TIMELESS: variants seen among roughly 807,000 people sequenced by gnomAD.
TIMELESS encodes the protein protein timeless homolog.
A neutral mutation model predicts 164.3 loss-of-function variants in TIMELESS; 124 were observed. The observed-to-expected ratio is 0.75, with a 90% CI of 0.65 to 0.88. TIMELESS has a LOEUF of 0.88. Among genes scored for constraint, TIMELESS ranks in the 40% least tolerant of loss-of-function variants. The pLI is 0.00. For synonymous variants in TIMELESS, 564 were observed against 563.4 expected, an observed-to-expected ratio of 1.00 and a Z score of -0.02; for missense variants, 1,422 against 1,491.4, an observed-to-expected ratio of 0.95 and a Z score of 0.77.
chr12:56,442,749 A>C (rs1200045130), intron 1 of TIMELESS, among the ~76,000 whole-genome samples: 1 of 152,218 alleles, frequency 6.6e-6, no homozygotes, highest in African/African-American at 2.4e-5. Context: ...GCGGGAAGTC[A>C]GGGACCCCGA....
In TIMELESS at chr12:56,433,025, C is replaced by G; in HGVS notation, c.531+1G>C. 1 of 1,610,428 alleles carries G rather than the reference C, an allele frequency of 6.2e-7. No homozygotes were observed. The highest frequency in any genetic ancestry group is 8.5e-7 in the Non-Finnish European group (1 of 1,177,624). ...GAACACAGAACACCCAAGACCCTCA[C>G]CTTCTCCTGATCAAGGTCAGCTGGG... On this transcript the variant is annotated splice_donor_variant, in intron 6 of 28. Coordinates refer to ENST00000553532, the MANE Select transcript of TIMELESS (RefSeq NM_003920.5). LOFTEE classifies it high-confidence loss of function.
intron 1 of TIMELESS, among the ~76,000 whole-genome samples, chr12:56,440,885 T>C (rs1868265087): frequency 1.3e-5 from 2 of 152,196 alleles, no homozygotes; most frequent in Admixed American, 6.5e-5. Flanking sequence ...TGGCGTGATC[T>C]TGGCTCACTG....
chr12:56,435,358 T>TA (rs71446553), intron 1 of TIMELESS, among the ~76,000 whole-genome samples: 106 of 147,072 alleles, frequency 7.2e-4, no homozygotes, highest in African/African-American at 1.3e-3. Flanking sequence ...CATCTTCTTT[T>TA]AAAAAAAAAA....
Position 56,431,594 on chromosome 12 carries a change from T to C in TIMELESS, c.698A>G (p.Gln233Arg). The stretch of plus-strand genomic sequence containing the variant: ...GCGTCCCTGCCCTACTCCCGCCAGC[T>C]GCTCGGGGTTCTAGATTGGAACAAA... The part of the protein sequence containing the change: ...SLMFRDQNPE[Q>R]LAGVGQGRLA... The change falls in exon 8 of 29, where the codon CAG becomes CGG. Residue 233 changes from glutamine (Q) to arginine (R), a missense_variant. By Grantham distance (43) the Gln-to-Arg change is conservative. Coordinates refer to ENST00000553532, the MANE Select transcript of TIMELESS (RefSeq NM_003920.5). 6.2e-7 allele frequency: 1 copy of C among 1,612,280 alleles called. No homozygotes were observed. Among genetic ancestry groups the C allele is most frequent in the Non-Finnish European group, 8.5e-7 (1 of 1,179,608 alleles).
intron 1 of TIMELESS, among the ~76,000 whole-genome samples, chr12:56,446,568 T>C (rs956766629): frequency 1.3e-5 from 2 of 152,084 alleles, no homozygotes; most frequent in African/African-American, 4.8e-5. Context: ...CAGTGGCTCA[T>C]GCCTGTAATC....
In TIMELESS at chr12:56,417,696, C is replaced by A; in HGVS notation, c.*20G>T. The A allele has an allele frequency of 2.5e-6, 4 of 1,613,828 alleles. No homozygotes were observed. The highest frequency in any genetic ancestry group is 3.4e-6 in the Non-Finnish European group (4 of 1,179,738). On this transcript the variant is annotated 3_prime_UTR_variant, in exon 29 of 29. Coordinates refer to ENST00000553532, the MANE Select transcript of TIMELESS (RefSeq NM_003920.5). ...CCATCTAAAAACGTGTCTATCTCTACCCCTAGGCTTCTTAGCTCTTCAGTC... is the reference window on the plus strand; with the variant it reads ...CCATCTAAAAACGTGTCTATCTCTAACCCTAGGCTTCTTAGCTCTTCAGTC...
At chr12:56,433,357 C>T in intron 5 of TIMELESS, 24 bp downstream of exon 5, 2 of 1,613,646 alleles carry the variant, frequency 1.2e-6, no homozygotes, top group South Asian at 1.1e-5. Flanking sequence ...CCCATGGTAT[C>T]CTGTAAGGTG....
At chr12:56,424,658 G>T in intron 15 of TIMELESS, 104 bp downstream of exon 15, 1 of 1,437,470 alleles carries the variant, frequency 7.0e-7, no homozygotes. Context: ...CAGTCCCAGA[G>T]CCTTGATGAG....
At chr12:56,441,676 T>C (rs811327) in intron 1 of TIMELESS, among the ~76,000 whole-genome samples, 2,232 of 150,024 alleles carry the variant, frequency 0.015, 30 homozygotes, top group Admixed American at 0.026. Flanking sequence ...CCCCAAATAT[T>C]AATTTCCTCT....
rs1881271024 is a variant in TIMELESS at position 56,416,707 on chromosome 12, G to A, written c.*1009C>T. 6.6e-6 allele frequency: 1 copy of A among 151,968 alleles called. No individual in the cohort carries two copies. The highest frequency in any genetic ancestry group is 2.1e-4 in the South Asian group (1 of 4,792). The allele number at this position is 151,968 out of a possible 1,614,324, so 9.4% of individuals were successfully genotyped here. A position where few individuals can be genotyped will look rare whatever the true frequency, so the allele number is the denominator to read the frequency against. The stretch of plus-strand genomic sequence containing the variant: ...TTCTGTAGGGAAAGCGGAAGAAAAG[G>A]GAAGGTTGTTGGTCTTTTTTTTTTT... On this transcript the variant is annotated 3_prime_UTR_variant, in exon 29 of 29. Transcript: ENST00000553532.
chr12:56,421,454 CG>C lies in TIMELESS; in HGVS notation c.2764del (p.Arg922AlafsTer6), dbSNP rs1565679472. 6.2e-7 allele frequency: 1 copy of C among 1,613,984 alleles called. No homozygotes were observed. Among genetic ancestry groups the C allele is most frequent in the Non-Finnish European group, 8.5e-7 (1 of 1,179,970 alleles). ...GHIMKNITAK[R>X]SRARIVDKLL... Reference sequence around the variant, plus strand: ...TTTATCCACTATTCGGGCCCGTGAGCGTTTGGCTGTGATATTCTTCATGATA... The same window carrying C: ...TTTATCCACTATTCGGGCCCGTGAGCTTTGGCTGTGATATTCTTCATGATA... On this transcript the variant is annotated frameshift_variant, in exon 23 of 29. Coordinates refer to ENST00000553532, the MANE Select transcript of TIMELESS (RefSeq NM_003920.5). LOFTEE classifies it high-confidence loss of function.
chr12:56,434,393 A>C (rs542636018), intron 1 of TIMELESS, among the ~76,000 whole-genome samples, 162 bp from the exon 2 acceptor site: 161 of 152,326 alleles, frequency 1.1e-3, no homozygotes, highest in African/African-American at 3.6e-3. Flanking sequence ...GAAAGTTTTA[A>C]ATAATGGCTT....
Position 56,421,991 on chromosome 12 carries a change from C to T in TIMELESS, c.2550G>A (p.Leu850=). Reference sequence around the variant, plus strand: ...TTCGAGGAACAGTATTCAGGTGGGCCAAGATGGCTTCCACCACATCCTGCC... The same window carrying T: ...TTCGAGGAACAGTATTCAGGTGGGCTAAGATGGCTTCCACCACATCCTGCC... ...VEGQDVVEAI[L]AHLNTVPRTR... is the part of the protein sequence containing the mutation. The change falls in exon 21 of 29, where the codon TTG becomes TTA. Residue 850 remains leucine (L), a synonymous_variant. Coordinates refer to ENST00000553532, the MANE Select transcript of TIMELESS (RefSeq NM_003920.5). 1.9e-6 allele frequency: 3 copies of T among 1,614,156 alleles called. No individual in the cohort carries two copies. In the East Asian group the frequency reaches 6.7e-5, roughly 36 times the overall value.
chr12:56,448,970 TC>T (rs1274158561), intron 1 of TIMELESS, among the ~76,000 whole-genome samples: 1 of 152,048 alleles, frequency 6.6e-6, no homozygotes, highest in African/African-American at 2.4e-5. Context: ...TCAGGAGGTC[TC>T]AACTAGATGC....
rs142993431 is a variant in TIMELESS at position 56,439,058 on chromosome 12, C to T, written c.-61-4827G>A. ...GCGGGCGCCTGTAATCCCAGCTACT[C>T]GGGAGGCTGAGGCAGGAGAATCGCT... On this transcript the variant is annotated intron_variant, in intron 1 of 28. Transcript: ENST00000553532. Among the ~76,000 whole-genome samples the T allele has an allele frequency of 2.6e-3, 382 of 148,786 alleles. 1 individual carries two copies. The highest frequency in any genetic ancestry group is 8.9e-3 in the African/African-American group (360 of 40,524).
chr12:56,425,601 G>T (rs140989369), intron 13 of TIMELESS, among the ~76,000 whole-genome samples: 1 of 152,158 alleles, frequency 6.6e-6, no homozygotes, highest in Non-Finnish European at 1.5e-5. Flanking sequence ...ACAGCCAGGC[G>T]CAGTGGCTCA....
At position 56,423,695 on chromosome 12, in the gene TIMELESS, G is replaced by A; in HGVS notation, c.1979C>T (p.Pro660Leu). The change falls in exon 17 of 29, where the codon CCA becomes CTA. Residue 660 changes from proline to leucine, a missense_variant. Coordinates refer to ENST00000553532, the MANE Select transcript of TIMELESS (RefSeq NM_003920.5). ...TTCTTCCTCTGCCCCACGTTCCTCT[G>A]GGCCCTGCTGCCCTATAGACAGAGG... ...LSAPLPRQQGPEERGAEEEEE... is the reference protein window; with the variant it reads ...LSAPLPRQQGLEERGAEEEEE... 6.2e-7 allele frequency: 1 copy of A among 1,613,916 alleles called. No individual in the cohort carries two copies. The highest frequency in any genetic ancestry group is 8.5e-7 in the Non-Finnish European group (1 of 1,179,938).
intron 1 of TIMELESS, among the ~76,000 whole-genome samples, chr12:56,438,474 T>C (rs1882142021): frequency 6.6e-6 from 1 of 151,604 alleles, no homozygotes; most frequent in South Asian, 2.1e-4. Flanking sequence ...TGAAAGTCTA[T>C]ATTTAAAAAG....
Position 56,433,881 on chromosome 12 carries a change from G to A in TIMELESS, c.143C>T (p.Thr48Ile), listed in dbSNP as rs560143854. 8 of 1,614,150 alleles carry A rather than the reference G, an allele frequency of 5.0e-6. No individual in the cohort carries two copies. In the African/African-American group the frequency reaches 6.7e-5, roughly 13 times the overall value. Reference sequence around the variant, plus strand: ...CCCCAGCTGCTGCCGCACATCTCGTGTCTCATCCTCATGCCTCAAATAGCG... The same window carrying A: ...CCCCAGCTGCTGCCGCACATCTCGTATCTCATCCTCATGCCTCAAATAGCG... ...LIRYLRHEDE[T>I]RDVRQQLGAA... Residue 48 changes from threonine to isoleucine, a missense_variant, in exon 3 of 29, where the codon ACA (threonine) becomes ATA (isoleucine). Transcript: ENST00000553532.
Sources: allele counts gnomAD v4.1 joint callset (sites outside exome capture counted in the v4.1 genomes callset), GRCh38; gene constraint gnomAD v4.1.1; transcripts MANE v1.5; gene names NCBI Gene and HGNC (gene_info 2026-07-23, HGNC 2026-07-21).